The following TEX11 variants were observed in gnomAD, a reference collection of about 807,000 sequenced individuals.
TEX11 encodes testis expressed 11, also known as testis-expressed protein 11.
In TEX11, 7 loss-of-function variants were observed where a neutral mutation model predicts 84.4. The observed-to-expected ratio is 0.08, with a 90% CI of 0.05 to 0.16. TEX11 has a LOEUF of 0.16. Among genes scored for constraint, TEX11 ranks in the 10% least tolerant of loss-of-function variants. The pLI is 1.00. For synonymous variants in TEX11, 264 were observed against 222.8 expected (o/e 1.18, Z -1.64); for missense variants, 551 against 660.5 (o/e 0.83, Z 1.82).
chrX:70,711,240 A>T (rs1040528354), intron 13 of TEX11, among the ~76,000 whole-genome samples: 2 of 111,651 alleles, frequency 1.8e-5, no homozygotes, highest in Non-Finnish European at 3.8e-5. Context: ...ATAGTGCCGC[A>T]ATAAACATAC....
chrX:70,537,148 A>G (rs534908856), intron 28 of TEX11, among the ~76,000 whole-genome samples: 235 of 111,827 alleles, frequency 2.1e-3, no homozygotes, highest in South Asian at 0.017. Context: ...ACATGGGCCA[A>G]TGAGGGATCT....
At position 70,588,857 on chromosome X, in the gene TEX11, G is replaced by A. The variant is rs763050790; in HGVS notation, c.2140+2894C>T. ...GTCAAGGTGGGAGGATAGCTTGAGC[G>A]CAGGGTTCAAGGCTGCAGTGAGCTA... On this transcript the variant is annotated intron_variant, in intron 25 of 29. Coordinates refer to ENST00000374333, the MANE Select transcript of TEX11 (RefSeq NM_031276.3). 1.4e-4 allele frequency among the ~76,000 whole-genome samples: 15 copies of A among 107,892 alleles called. No individual in the cohort carries two copies. In the East Asian group the frequency reaches 3.2e-3, roughly 23 times the overall value. 93.7% of individuals were successfully genotyped at this position (107,892 alleles called of 115,157 possible).
rs137883766 is a variant in TEX11, at chrX:70,724,655, T to C, written c.925+607A>G. 8.8e-3 allele frequency among the ~76,000 whole-genome samples: 981 copies of C among 111,340 alleles called. 8 individuals are homozygous for C. Among genetic ancestry groups the C allele is most frequent in the African/African-American group, 0.029 (887 of 30,794 alleles). On this transcript the variant is annotated intron_variant, in intron 12 of 29. Transcript: ENST00000374333. ...TATATAGTAGTAATAACAGTAATAA[T>C]AATAACTACAGTAATAGGTAACATA...
chrX:70,764,341 A>G (rs776556251), intron 9 of TEX11, among the ~76,000 whole-genome samples: 1 of 111,796 alleles, frequency 8.9e-6, no homozygotes, highest in East Asian at 2.8e-4. Flanking sequence ...GCTAAGAGGG[A>G]AGTTTATAGC....
At chrX:70,716,833 C>T (rs2090508504) in intron 13 of TEX11, among the ~76,000 whole-genome samples, 1 of 112,101 alleles carries the variant, frequency 8.9e-6, no homozygotes, top group South Asian at 3.7e-4. Context: ...CCCGGTACCT[C>T]AGTTGGAAAT....
intron 15 of TEX11, 117 bp downstream of exon 15, chrX:70,678,687 G>T: frequency 1.9e-6 from 1 of 534,691 alleles, no homozygotes; most frequent in Non-Finnish European, 3.1e-6. Context: ...ATAAATATAT[G>T]GTATCTAAAC....
At chrX:70,734,831 C>A (rs1413060439) in intron 11 of TEX11, among the ~76,000 whole-genome samples, 1 of 111,253 alleles carries the variant, frequency 9.0e-6, no homozygotes, top group Non-Finnish European at 1.9e-5. Flanking sequence ...ATGAAGGGAG[C>A]TTCCTCAACC....
intron 11 of TEX11, among the ~76,000 whole-genome samples, chrX:70,734,003 G>A (rs1299778455): frequency 9.0e-6 from 1 of 110,898 alleles, no homozygotes; most frequent in East Asian, 2.8e-4. Context: ...TGTCCCTTGT[G>A]GGGACATGGA....
intron 8 of TEX11, among the ~76,000 whole-genome samples, chrX:70,810,323 A>G (rs1243123559): frequency 8.9e-6 from 1 of 112,099 alleles, no homozygotes; most frequent in African/African-American, 3.2e-5. Flanking sequence ...AAATCATTCT[A>G]TCATAAAGAC....
chrX:70,512,598 C>T, the TEX11 span, among the ~76,000 whole-genome samples: 1 of 108,195 alleles, frequency 9.2e-6, no homozygotes, highest in Non-Finnish European at 1.9e-5. Flanking sequence ...CACCCTCTAT[C>T]TTTAATATTG....
At chrX:70,693,825 C>G (rs2090257042) in intron 13 of TEX11, among the ~76,000 whole-genome samples, 1 of 111,443 alleles carries the variant, frequency 9.0e-6, no homozygotes, top group Non-Finnish European at 1.9e-5. Context: ...GTTAATTAGC[C>G]TCATTGTGGT....
At chrX:70,781,963 G>C (rs2091042037) in intron 9 of TEX11, among the ~76,000 whole-genome samples, 1 of 110,970 alleles carries the variant, frequency 9.0e-6, no homozygotes, top group Non-Finnish European at 1.9e-5. Flanking sequence ...GGGAAATACA[G>C]AGAACACCAC....
chrX:70,569,452 G>A (rs960765343), intron 25 of TEX11, among the ~76,000 whole-genome samples: 1 of 112,037 alleles, frequency 8.9e-6, no homozygotes. Flanking sequence ...CTGGTAAGGA[G>A]CTGCGTTCCT....
intron 2 of TEX11, among the ~76,000 whole-genome samples, chrX:70,887,266 G>A (rs2091714241): frequency 1.8e-5 from 2 of 111,814 alleles, no homozygotes; most frequent in African/African-American, 3.2e-5. Context: ...CACCAAGCAG[G>A]CTCTTGGGGT....
chrX:70,710,346 A>T (rs1311687801), intron 13 of TEX11, among the ~76,000 whole-genome samples: 1 of 111,727 alleles, frequency 9.0e-6, no homozygotes, highest in African/African-American at 3.2e-5. Flanking sequence ...TAGATACAAA[A>T]TTCTAAAAGA....
chrX:70,803,547 C>T (rs772596599), intron 9 of TEX11, among the ~76,000 whole-genome samples: 2 of 112,087 alleles, frequency 1.8e-5, no homozygotes, highest in South Asian at 7.5e-4. Context: ...TTTAGTATTG[C>T]TCTAGGCTTC....
chrX:70,670,083 G>GCAAAA lies in TEX11; in HGVS notation c.1380+293_1380+294insTTTTG, dbSNP rs1423938077. On this transcript the variant is annotated intron_variant, in intron 16 of 29. Coordinates refer to ENST00000374333, the MANE Select transcript of TEX11 (RefSeq NM_031276.3). ...CAAAGGACAATATTACAGATGGTTA[G>GCAAAA]TAGCAGATAACTTTGTTCAGGAGTT... Among the ~76,000 whole-genome samples the GCAAAA allele has an allele frequency of 3.5e-4, 39 of 112,319 alleles. No homozygotes were observed. The East Asian group carries it at 9.5e-3, about 27-fold the overall frequency.
chrX:70,729,925 C>G lies in TEX11; in HGVS notation c.844-4582G>C, dbSNP rs139625346. 2.7e-3 allele frequency among the ~76,000 whole-genome samples: 298 copies of G among 112,141 alleles called. 1 individual carries two copies. Among genetic ancestry groups the G allele is most frequent in the Non-Finnish European group, 4.4e-3 (236 of 53,178 alleles). ...AGCCAGACAGAAAGGTCGGGTTACC[C>G]ACAAGGGGAAGTCCATCAGACTAAC... On this transcript the variant is annotated intron_variant, in intron 11 of 29. Transcript: ENST00000374333.
chrX:70,706,984 T>G (rs1189288869), intron 13 of TEX11, among the ~76,000 whole-genome samples: 1 of 111,286 alleles, frequency 9.0e-6, no homozygotes, highest in Non-Finnish European at 1.9e-5. Context: ...CCAATTTACT[T>G]CTCTAACTTT....
Sources: gnomAD v4.1 joint callset for allele counts (sites outside exome capture counted in the v4.1 genomes callset) on GRCh38, gnomAD v4.1.1 for gene constraint, MANE v1.5 for transcripts, NCBI Gene and HGNC (gene_info 2026-07-23, HGNC 2026-07-21) for gene names.